Variants in TBC1D5 observed in about 807,000 individuals in gnomAD.
TBC1D5 encodes the protein TBC1 domain family member 5, also known as TBC1 domain family, member 5.
Under a neutral mutation model 100.3 loss-of-function variants are expected in TBC1D5, and 75 were observed. That is an observed-to-expected ratio of 0.75 (90% CI 0.62 to 0.91). The LOEUF (loss-of-function observed/expected upper bound fraction) is 0.91, where lower values mean the gene tolerates loss of function less well. Ranked by LOEUF, TBC1D5 falls within the 40% of genes least tolerant of loss-of-function variation. TBC1D5 has a pLI of 0.00. For synonymous variants in TBC1D5, 323 were observed against 325.6 expected, an observed-to-expected ratio of 0.99 and a Z score of 0.09; for missense variants, 910 against 942.4, an observed-to-expected ratio of 0.97 and a Z score of 0.45.
intron 17 of TBC1D5, among the ~76,000 whole-genome samples, chr3:17,226,137 C>A (rs185405287): frequency 9.3e-5 from 14 of 149,846 alleles, no homozygotes; most frequent in Admixed American, 6.7e-4. Context: ...GACTTCTCTG[C>A]CTTTTTCGTA....
At chr3:17,526,816 C>T (rs188666406) in intron 2 of TBC1D5, among the ~76,000 whole-genome samples, 443 of 152,282 alleles carry the variant, frequency 2.9e-3, no homozygotes, top group Non-Finnish European at 5.0e-3. Flanking sequence ...ATGGCACCTA[C>T]AGTTGAAAAT....
At chr3:17,565,315 T>C (rs527891900) in intron 2 of TBC1D5, among the ~76,000 whole-genome samples, 42 of 152,286 alleles carry the variant, frequency 2.8e-4, no homozygotes, top group Non-Finnish European at 5.3e-4. Context: ...ATTATGTTCG[T>C]TGAAAGCAGT....
chr3:17,667,431 T>C (rs535836577), intron 1 of TBC1D5, among the ~76,000 whole-genome samples: 9 of 152,266 alleles, frequency 5.9e-5, no homozygotes, highest in South Asian at 2.1e-4. Context: ...TAAGGTAGGA[T>C]TGAAGAATCC....
In TBC1D5 at chr3:17,166,672, A is replaced by C. The variant is rs551802480; in HGVS notation, c.2094+95T>G. The C allele has an allele frequency of 6.2e-5, 93 of 1,499,156 alleles. No homozygotes were observed. In the East Asian group the frequency reaches 2.1e-3, roughly 34 times the overall value. The allele number at this position is 1,499,156 out of a possible 1,614,324, so 92.9% of individuals were successfully genotyped here. The stretch of plus-strand genomic sequence containing the variant: ...GTTGAACTTCATACATGGTAATTTG[A>C]AGTAACTTTGGTAGGGTGTATTCTT... On this transcript the variant is annotated intron_variant, in intron 21 of 21. Coordinates refer to ENST00000253692, the Ensembl canonical transcript of TBC1D5.
At chr3:17,726,384 CT>C (rs1160676901) in intron 1 of TBC1D5, among the ~76,000 whole-genome samples, 1 of 152,098 alleles carries the variant, frequency 6.6e-6, no homozygotes, top group Non-Finnish European at 1.5e-5. Context: ...TATTTTTTGA[CT>C]TTTTAGTAAT....
At chr3:17,513,058 G>A (rs183577529) in intron 2 of TBC1D5, among the ~76,000 whole-genome samples, 122 of 152,258 alleles carry the variant, frequency 8.0e-4, no homozygotes, top group Non-Finnish European at 2.4e-4. Context: ...TACAGGCCGG[G>A]CATGGTGGCT....
chr3:17,356,835 A>G (rs1266176852), intron 13 of TBC1D5, among the ~76,000 whole-genome samples: 2 of 152,186 alleles, frequency 1.3e-5, no homozygotes, highest in African/African-American at 2.4e-5. Flanking sequence ...CTAGTCTCCC[A>G]TTCTCTTGGG....
At chr3:17,346,623 T>C (rs1057321012) in intron 13 of TBC1D5, among the ~76,000 whole-genome samples, 6 of 152,158 alleles carry the variant, frequency 3.9e-5, no homozygotes, top group African/African-American at 1.4e-4. Context: ...GTTTCTTGCA[T>C]TGAAATCATA....
In TBC1D5 at chr3:17,543,105, G is replaced by A. The variant is rs183147593; in HGVS notation, c.-35-34500C>T. ...ATATATGGCACAGTTACTATATAGCGGAAGGGAAAGGAATGGAAGGGAGGG... is the reference window on the plus strand; with the variant it reads ...ATATATGGCACAGTTACTATATAGCAGAAGGGAAAGGAATGGAAGGGAGGG... On this transcript the variant is annotated intron_variant, in intron 2 of 21. Transcript: ENST00000253692. Among the ~76,000 whole-genome samples, 244 of 152,030 alleles carry A rather than the reference G, an allele frequency of 1.6e-3. 2 individuals carry two copies. The highest frequency in any genetic ancestry group is 4.2e-3 in the African/African-American group (174 of 41,460).
intron 4 of TBC1D5, among the ~76,000 whole-genome samples, chr3:17,422,494 A>T (rs530916245): frequency 6.6e-6 from 1 of 151,978 alleles, no homozygotes; most frequent in Non-Finnish European, 1.5e-5. Context: ...CTCTCGTCCA[A>T]TGAGCCAATA....
chr3:17,517,136 C>T (rs1268787021), intron 2 of TBC1D5, among the ~76,000 whole-genome samples: 2 of 152,206 alleles, frequency 1.3e-5, no homozygotes, highest in South Asian at 2.1e-4. Context: ...ATCTAGGTCA[C>T]ACTCATTAGA....
At chr3:17,717,833 A>AT (rs149700680) in intron 1 of TBC1D5, among the ~76,000 whole-genome samples, 1 of 152,142 alleles carries the variant, frequency 6.6e-6, no homozygotes, top group Non-Finnish European at 1.5e-5. Flanking sequence ...CTGAAACAAA[A>AT]TTTTTATAAT....
intron 19 of TBC1D5, among the ~76,000 whole-genome samples, chr3:17,173,183 G>A (rs1315060156): frequency 6.6e-6 from 1 of 152,170 alleles, no homozygotes; most frequent in Non-Finnish European, 1.5e-5. Flanking sequence ...GAAATGCCAG[G>A]TCTGTTATTT....
At chr3:17,316,985 T>C (rs1226848265) in intron 13 of TBC1D5, among the ~76,000 whole-genome samples, 1 of 152,160 alleles carries the variant, frequency 6.6e-6, no homozygotes, top group Non-Finnish European at 1.5e-5. Flanking sequence ...CTCTTAATCA[T>C]TAATGGAAAA....
At chr3:17,548,372 T>C (rs926634697) in intron 2 of TBC1D5, among the ~76,000 whole-genome samples, 1 of 152,134 alleles carries the variant, frequency 6.6e-6, no homozygotes, top group African/African-American at 2.4e-5. Context: ...GCATACCTGA[T>C]GGCAATCACT....
chr3:17,259,731 A>T lies in TBC1D5; in HGVS notation c.1246-1140T>A, dbSNP rs1476424325. On this transcript the variant is annotated intron_variant, in intron 15 of 21. Transcript: ENST00000253692. Reference sequence around the variant, plus strand: ...CAGGCACGGGGGGGGTTGCGGGGGGATATAATTGCTAAGGTTAAACAGTTT... The same window carrying T: ...CAGGCACGGGGGGGGTTGCGGGGGGTTATAATTGCTAAGGTTAAACAGTTT... Among the ~76,000 whole-genome samples, 4 of 150,738 alleles carry T rather than the reference A, an allele frequency of 2.7e-5. No individual in the cohort carries two copies. The East Asian group carries it at 5.8e-4, about 22-fold the overall frequency.
intron 18 of TBC1D5, among the ~76,000 whole-genome samples, chr3:17,207,293 C>G (rs138200724): frequency 1.3e-5 from 2 of 152,142 alleles, no homozygotes; most frequent in African/African-American, 4.8e-5. Flanking sequence ...GAATGGCCAC[C>G]TAAAAATAGA....
intron 2 of TBC1D5, among the ~76,000 whole-genome samples, chr3:17,510,932 A>C (rs1576435809): frequency 1.3e-5 from 2 of 152,032 alleles, no homozygotes; most frequent in African/African-American, 4.8e-5. Flanking sequence ...TAAGTATTAA[A>C]GCCAAAATTG....
intron 17 of TBC1D5, among the ~76,000 whole-genome samples, chr3:17,235,801 C>T (rs2075809087): frequency 6.6e-6 from 1 of 152,154 alleles, no homozygotes; most frequent in African/African-American, 2.4e-5. Context: ...CTATCGTCTA[C>T]TTCCACAAAC....
Sources: allele counts gnomAD v4.1 joint callset (sites outside exome capture counted in the v4.1 genomes callset), GRCh38; gene constraint gnomAD v4.1.1; transcripts MANE v1.5; gene names NCBI Gene and HGNC (gene_info 2026-07-23, HGNC 2026-07-21).